MBNL2: variants seen among roughly 807,000 people sequenced by gnomAD.
MBNL2 encodes the protein muscleblind like splicing regulator 2.
In MBNL2, 17 loss-of-function variants were observed where a neutral mutation model predicts 41.9. That is an observed-to-expected ratio of 0.41 (90% confidence interval 0.28 to 0.61). MBNL2 has a LOEUF of 0.61. Ranked by LOEUF, MBNL2 falls within the 20% of genes least tolerant of loss-of-function variation. The probability of loss-of-function intolerance (pLI) is 0.35; values close to 1 mark genes in which losing one functional copy is unlikely to be tolerated. For synonymous variants in MBNL2, 195 were observed against 182.9 expected, an observed-to-expected ratio of 1.07 and a Z score of -0.53; for missense variants, 336 against 505.6, an observed-to-expected ratio of 0.66 and a Z score of 3.22.
chr13:97,175,816 G>A, the MBNL2 span, among the ~76,000 whole-genome samples: 14,499 of 152,138 alleles, frequency 0.095, 743 homozygotes, highest in South Asian at 0.17. Context: ...ACAGCTAAGG[G>A]GCACTCAGGA....
chr13:97,379,405 A>G (rs1266869845), intron 8 of MBNL2, among the ~76,000 whole-genome samples: 1 of 152,158 alleles, frequency 6.6e-6, no homozygotes, highest in African/African-American at 2.4e-5. Flanking sequence ...TTTTAACAAT[A>G]ATAATTTAAA....
At chr13:97,284,980 A>G (rs530693439) in intron 2 of MBNL2, among the ~76,000 whole-genome samples, 1 of 152,340 alleles carries the variant, frequency 6.6e-6, no homozygotes, top group South Asian at 2.1e-4. Context: ...TCGGTGTATC[A>G]GTTCTTATGA....
Position 97,334,176 on chromosome 13 carries a change from A to ACACC in MBNL2, c.175-100_175-99insCACC. ...CACACACACACACACACACACACAC[A>ACACC]GGATCCTTGCTTTTGTGCATAAGAA... On this transcript the variant is annotated intron_variant, in intron 2 of 8. Coordinates refer to ENST00000679496, the MANE Select transcript of MBNL2 (RefSeq NM_001382683.1). The surrounding 1 kb of genome is among the most constrained non-coding windows in gnomAD (Gnocchi z 5.3). 1 of 868,294 alleles carries ACACC rather than the reference A, an allele frequency of 1.2e-6. No homozygotes were observed. Among genetic ancestry groups the ACACC allele is most frequent in the Non-Finnish European group, 1.8e-6 (1 of 553,008 alleles). 53.8% of individuals were successfully genotyped at this position (868,294 alleles called of 1,614,324 possible).
At chr13:97,299,844 T>C (rs762269251) in intron 2 of MBNL2, among the ~76,000 whole-genome samples, 29 of 152,160 alleles carry the variant, frequency 1.9e-4, no homozygotes, top group Non-Finnish European at 2.2e-4. Flanking sequence ...ATATGTAATG[T>C]GTTAATCAGG....
chr13:97,296,049 C>A (rs546363010), intron 2 of MBNL2, among the ~76,000 whole-genome samples: 12 of 152,260 alleles, frequency 7.9e-5, no homozygotes, highest in African/African-American at 2.6e-4. Context: ...GCCAAGATAT[C>A]TTATTAGGTT....
At chr13:97,165,337 TG>T in the MBNL2 span, among the ~76,000 whole-genome samples, 1 of 152,228 alleles carries the variant, frequency 6.6e-6, no homozygotes, top group East Asian at 1.9e-4. Context: ...GTAATTTAAT[TG>T]GGGCTTTGCT....
At chr13:97,391,206 G>T in intron 8 of MBNL2, 116 bp from the exon 9 acceptor site, 1 of 627,274 alleles carries the variant, frequency 1.6e-6, no homozygotes, top group Admixed American at 2.8e-5. Flanking sequence ...TCAAAATAAT[G>T]AGAGATTGAA....
chr13:97,162,184 C>A, the MBNL2 span, among the ~76,000 whole-genome samples: 1 of 152,098 alleles, frequency 6.6e-6, no homozygotes, highest in Non-Finnish European at 1.5e-5. Context: ...GAGAAATGCG[C>A]CCCTAAGAGT....
intron 1 of MBNL2, among the ~76,000 whole-genome samples, chr13:97,245,159 C>T (rs2045201387): frequency 6.6e-6 from 1 of 152,154 alleles, no homozygotes; most frequent in East Asian, 1.9e-4. Flanking sequence ...ACCCTCTCTG[C>T]CCTTTTGTTA....
intron 1 of MBNL2, among the ~76,000 whole-genome samples, chr13:97,263,108 C>T (rs928316477): frequency 5.3e-5 from 8 of 152,114 alleles, no homozygotes; most frequent in Middle Eastern, 3.4e-3. Context: ...TTTGATCCAT[C>T]TATTTCCTAC....
chr13:97,178,660 C>A, the MBNL2 span, among the ~76,000 whole-genome samples: 9 of 152,240 alleles, frequency 5.9e-5, no homozygotes, highest in African/African-American at 2.2e-4. Flanking sequence ...CTTTGGGAGG[C>A]CAAGGCAGGC....
chr13:97,364,298 G>A (rs898140066), intron 7 of MBNL2, among the ~76,000 whole-genome samples: 4 of 152,108 alleles, frequency 2.6e-5, no homozygotes, highest in African/African-American at 9.7e-5. Context: ...TCCCCCTCAG[G>A]GATCACTTTG....
intron 8 of MBNL2, among the ~76,000 whole-genome samples, chr13:97,376,290 A>ACTGCCTTTCT (rs1182628542): frequency 6.6e-6 from 1 of 152,176 alleles, no homozygotes; most frequent in Non-Finnish European, 1.5e-5. Context: ...TGTGGATTTC[A>ACTGCCTTTCT]CTGCCTTTCT....
upstream of MBNL2, among the ~76,000 whole-genome samples, chr13:97,216,906 T>C (rs566168583): frequency 4.5e-4 from 67 of 150,524 alleles, no homozygotes; most frequent in African/African-American, 1.6e-3. Context: ...TACACATACA[T>C]AGAGTATAAT....
intron 2 of MBNL2, among the ~76,000 whole-genome samples, chr13:97,328,830 C>T (rs2060133824): frequency 6.6e-6 from 1 of 151,702 alleles, no homozygotes; most frequent in African/African-American, 2.4e-5. Context: ...TTTTTTGTGC[C>T]CATATTTTAA....
chr13:97,160,032 A>T, the MBNL2 span, among the ~76,000 whole-genome samples: 1 of 152,082 alleles, frequency 6.6e-6, no homozygotes, highest in Non-Finnish European at 1.5e-5. Flanking sequence ...TTTCAGGTAC[A>T]CCAATCAGAC....
chr13:97,182,916 A>T, the MBNL2 span, among the ~76,000 whole-genome samples: 1 of 152,358 alleles, frequency 6.6e-6, no homozygotes, highest in South Asian at 2.1e-4. Flanking sequence ...AATGCTCATT[A>T]TGAGTTACCC....
intron 1 of MBNL2, among the ~76,000 whole-genome samples, chr13:97,275,298 A>C (rs2051970044): frequency 1.3e-5 from 2 of 152,242 alleles, no homozygotes; most frequent in South Asian, 4.1e-4. Flanking sequence ...TCAATGGCCT[A>C]AATGTGAAAT....
chr13:97,267,520 A>G (rs118162294), intron 1 of MBNL2, among the ~76,000 whole-genome samples: 1 of 152,248 alleles, frequency 6.6e-6, no homozygotes, highest in Non-Finnish European at 1.5e-5. Flanking sequence ...TATTCCTTAA[A>G]TCACACGCCT....
Sources: gnomAD v4.1 joint callset for allele counts (sites outside exome capture counted in the v4.1 genomes callset) on GRCh38, gnomAD v4.1.1 for gene constraint, Gnocchi (gnomAD v3.1) non-coding constraint, MANE v1.5 for transcripts, NCBI Gene and HGNC (gene_info 2026-07-23, HGNC 2026-07-21) for gene names.